Variants in STK32A observed in about 807,000 individuals in gnomAD.
STK32A encodes the protein serine/threonine kinase 32A, also known as serine/threonine-protein kinase 32A.
A neutral mutation model predicts 53.2 loss-of-function variants in STK32A; 41 were observed. The ratio of observed to expected loss-of-function variants is 0.77; its 90% confidence interval spans 0.60 to 1.00. STK32A has a LOEUF of 1.00. Ranked by LOEUF, STK32A falls within the 50% of genes least tolerant of loss-of-function variation. The pLI, the probability that STK32A is intolerant of heterozygous loss-of-function variation, is 0.00. For synonymous variants in STK32A, 166 were observed against 162.8 expected, an observed-to-expected ratio of 1.02 and a Z score of -0.15; for missense variants, 458 against 485.8, an observed-to-expected ratio of 0.94 and a Z score of 0.54.
chr5:147,298,126 T>C (rs141610389), intron 4 of STK32A, among the ~76,000 whole-genome samples: 4 of 152,302 alleles, frequency 2.6e-5, no homozygotes, highest in Admixed American at 1.3e-4. Context: ...ATTTGTTCTC[T>C]CTGTTTAAAA....
chr5:147,279,473 C>T, intron 4 of STK32A, 75 bp downstream of exon 4: 1 of 1,355,972 alleles, frequency 7.4e-7, no homozygotes, highest in Admixed American at 2.3e-5. Flanking sequence ...CCAAATGCCT[C>T]TGGGACCTCA....
chr5:147,241,987 A>G (rs17465991), intron 2 of STK32A, among the ~76,000 whole-genome samples: 13,258 of 152,322 alleles, frequency 0.087, 760 homozygotes, highest in Middle Eastern at 0.18. Context: ...CGGGATGCCC[A>G]AGAAAGCTAC....
chr5:147,271,863 C>T (rs562195775), intron 2 of STK32A, among the ~76,000 whole-genome samples: 1 of 152,230 alleles, frequency 6.6e-6, no homozygotes. Context: ...TTAATTTCGC[C>T]CCAGTCCTGT....
At chr5:147,381,175 A>C (rs1381654086) in intron 11 of STK32A, among the ~76,000 whole-genome samples, 5 of 152,154 alleles carry the variant, frequency 3.3e-5, no homozygotes, top group African/African-American at 1.2e-4. Flanking sequence ...TGCCAGATAG[A>C]GGACCCTTGG....
intron 2 of STK32A, among the ~76,000 whole-genome samples, chr5:147,265,005 A>C (rs1754740511): frequency 6.6e-6 from 1 of 151,682 alleles, no homozygotes; most frequent in African/African-American, 2.4e-5. Context: ...GCAAAATATG[A>C]ATCGTGGTTA....
chr5:147,339,737 T>C (rs1002221646), intron 5 of STK32A, among the ~76,000 whole-genome samples: 4 of 152,240 alleles, frequency 2.6e-5, no homozygotes, highest in African/African-American at 9.6e-5. Flanking sequence ...AAAGATTATT[T>C]TGGAGCTTTA....
intron 11 of STK32A, among the ~76,000 whole-genome samples, chr5:147,378,707 C>A (rs1757328493): frequency 6.6e-6 from 1 of 152,010 alleles, no homozygotes; most frequent in South Asian, 2.1e-4. Flanking sequence ...CTATTCTGAG[C>A]TCTCTGAGTT....
At chr5:147,352,514 C>T (rs1308621316) in intron 7 of STK32A, among the ~76,000 whole-genome samples, 5 of 152,168 alleles carry the variant, frequency 3.3e-5, no homozygotes, top group African/African-American at 1.2e-4. Flanking sequence ...TCCCGTCCAG[C>T]CTCAACAATG....
intron 9 of STK32A, among the ~76,000 whole-genome samples, chr5:147,371,510 C>T (rs559466653): frequency 6.6e-6 from 1 of 152,294 alleles, no homozygotes; most frequent in African/African-American, 2.4e-5. Flanking sequence ...ATGCCAGTAC[C>T]TATTCCTGGA....
chr5:147,238,663 A>G (rs374247431), intron 1 of STK32A, among the ~76,000 whole-genome samples: 1 of 152,164 alleles, frequency 6.6e-6, no homozygotes, highest in Non-Finnish European at 1.5e-5. Context: ...ATGTAACTCA[A>G]TACATATATA....
chr5:147,274,471 C>G (rs143653476), intron 2 of STK32A, among the ~76,000 whole-genome samples: 128 of 152,290 alleles, frequency 8.4e-4, no homozygotes, highest in African/African-American at 2.8e-3. Flanking sequence ...AAGAAGTAAA[C>G]ACCACTAAGG....
In STK32A at chr5:147,346,341, C is replaced by T. The variant is rs144634546; in HGVS notation, c.472+3298C>T. ...AAATTGTAGCCACTGTGAAGGGTAA[C>T]CACCTATCTCTCTGGTGCCCCCTAT... On this transcript the variant is annotated intron_variant, in intron 6 of 12. Transcript: ENST00000397936. Among the ~76,000 whole-genome samples, 934 of 152,268 alleles carry T rather than the reference C, an allele frequency of 6.1e-3. 14 individuals carry two copies. Among genetic ancestry groups the T allele is most frequent in the African/African-American group, 0.021 (886 of 41,536 alleles).
intron 11 of STK32A, chr5:147,375,463 C>T: frequency 2.8e-6 from 1 of 358,178 alleles, no homozygotes; most frequent in Non-Finnish European, 4.9e-6. Context: ...TTATTTCTCT[C>T]TTCCAGTTCT....
chr5:147,369,586 C>G (rs1324142098), intron 8 of STK32A, among the ~76,000 whole-genome samples: 1 of 152,144 alleles, frequency 6.6e-6, no homozygotes, highest in African/African-American at 2.4e-5. Context: ...AGCACCAAAT[C>G]CTTTTAACCT....
At position 147,385,725 on chromosome 5, in the gene STK32A, C is replaced by G. The variant is rs918418740; in HGVS notation, c.*1742C>G. 6.6e-6 allele frequency: 1 copy of G among 152,148 alleles called. No individual in the cohort carries two copies. The highest frequency in any genetic ancestry group is 2.4e-5 in the African/African-American group (1 of 41,416). The allele number at this position is 152,148 out of a possible 1,614,324, so 9.4% of individuals were successfully genotyped here. A position where few individuals can be genotyped will look rare whatever the true frequency, so the allele number is the denominator to read the frequency against. Reference sequence around the variant, plus strand: ...TTACAGAAGAACTATTTTTGGCAACCCCTATGCCCCTGGGTAGGGTCCAGA... The same window carrying G: ...TTACAGAAGAACTATTTTTGGCAACGCCTATGCCCCTGGGTAGGGTCCAGA... On this transcript the variant is annotated 3_prime_UTR_variant, in exon 13 of 13. Transcript: ENST00000397936.
chr5:147,259,824 CTT>C (rs753689790), intron 2 of STK32A, among the ~76,000 whole-genome samples: 35 of 134,806 alleles, frequency 2.6e-4, no homozygotes, highest in Admixed American at 1.0e-3. Context: ...CTCTCTCTCT[CTT>C]GTTTCTCTCT....
intron 7 of STK32A, among the ~76,000 whole-genome samples, chr5:147,354,037 C>T (rs567497280): frequency 6.7e-6 from 1 of 150,292 alleles, no homozygotes; most frequent in South Asian, 2.1e-4. Flanking sequence ...AAAGAGAACC[C>T]CCTACATGCA....
intron 8 of STK32A, among the ~76,000 whole-genome samples, chr5:147,365,972 C>T (rs953678578): frequency 6.6e-6 from 1 of 152,016 alleles, no homozygotes; most frequent in African/African-American, 2.4e-5. Context: ...ATTCATTTTT[C>T]TAAAGCACAG....
At chr5:147,296,126 G>A (rs1371566117) in intron 4 of STK32A, among the ~76,000 whole-genome samples, 1 of 152,184 alleles carries the variant, frequency 6.6e-6, no homozygotes, top group Non-Finnish European at 1.5e-5. Context: ...TTGGAGAACT[G>A]TTAGAGGCAG....
Sources: gnomAD v4.1 joint callset for allele counts (sites outside exome capture counted in the v4.1 genomes callset) on GRCh38, gnomAD v4.1.1 for gene constraint, MANE v1.5 for transcripts, NCBI Gene and HGNC (gene_info 2026-07-23, HGNC 2026-07-21) for gene names.